The following SCFD2 variants were observed in gnomAD, a reference collection of about 807,000 sequenced individuals.
SCFD2 encodes sec1 family domain-containing protein 2.
SCFD2 carries 54 observed loss-of-function variants against 58.9 expected under a neutral mutation model. The ratio of observed to expected loss-of-function variants is 0.92; its 90% confidence interval spans 0.74 to 1.15. The LOEUF is 1.15. Among genes scored for constraint, SCFD2 ranks in the 50% most tolerant of loss-of-function variants. SCFD2 has a pLI of 0.00. For synonymous variants in SCFD2, 321 were observed against 335.9 expected, an observed-to-expected ratio of 0.96 and a Z score of 0.49; for missense variants, 805 against 836.6, an observed-to-expected ratio of 0.96 and a Z score of 0.47.
chr4:53,114,928 C>G (rs1725278224), intron 5 of SCFD2, among the ~76,000 whole-genome samples: 1 of 151,852 alleles, frequency 6.6e-6, no homozygotes, highest in Non-Finnish European at 1.5e-5. Context: ...GTAAATAGAC[C>G]ATGTTAAGTA....
chr4:53,083,759 C>T (rs116637313), intron 5 of SCFD2, among the ~76,000 whole-genome samples: 1,738 of 152,196 alleles, frequency 0.011, 18 homozygotes, highest in Middle Eastern at 0.034. Flanking sequence ...CTGTGATGCT[C>T]GCCTGAATCT....
intron 5 of SCFD2, among the ~76,000 whole-genome samples, chr4:53,066,082 C>T (rs1307396283): frequency 6.6e-6 from 1 of 152,076 alleles, no homozygotes; most frequent in Non-Finnish European, 1.5e-5. Flanking sequence ...AGACTTAATA[C>T]TACAATTTCA....
Position 53,078,075 on chromosome 4 carries a change from C to T in SCFD2, c.1561+67258G>A, listed in dbSNP as rs1256051416. ...TTTCGAAATCCTCTGGCATGATCAA[C>T]AGGAACTAGTTATTGGTTAAATTAC... On this transcript the variant is annotated intron_variant, in intron 5 of 8. Coordinates refer to ENST00000401642, the MANE Select transcript of SCFD2 (RefSeq NM_152540.4). Among the ~76,000 whole-genome samples the T allele has an allele frequency of 3.9e-5, 6 of 152,252 alleles. No individual in the cohort carries two copies. In the South Asian group the frequency reaches 1.2e-3, roughly 32 times the overall value.
chr4:53,007,008 C>T (rs563342726), intron 5 of SCFD2, among the ~76,000 whole-genome samples: 140 of 152,024 alleles, frequency 9.2e-4, no homozygotes, highest in African/African-American at 2.9e-3. Context: ...GGGCTGGGCA[C>T]GGTGGCTCAC....
At chr4:53,034,394 T>C (rs565837202) in intron 5 of SCFD2, among the ~76,000 whole-genome samples, 2 of 152,244 alleles carry the variant, frequency 1.3e-5, no homozygotes, top group East Asian at 1.9e-4. Flanking sequence ...ACTGGAAGCA[T>C]TCCCTTTGAA....
chr4:52,967,830 C>T (rs403547), intron 5 of SCFD2, among the ~76,000 whole-genome samples: 4,186 of 152,232 alleles, frequency 0.027, 208 homozygotes, highest in African/African-American at 0.096. Context: ...GTGTCTCATG[C>T]CCTGCTCTGC....
intron 4 of SCFD2, among the ~76,000 whole-genome samples, chr4:53,247,760 C>T (rs921856013): frequency 7.1e-6 from 1 of 140,246 alleles, no homozygotes; most frequent in African/African-American, 2.7e-5. Context: ...ACTCGGGAGG[C>T]TGAGGCAGGA....
chr4:53,097,734 C>T (rs1724700529), intron 5 of SCFD2, among the ~76,000 whole-genome samples: 1 of 152,094 alleles, frequency 6.6e-6, no homozygotes, highest in Non-Finnish European at 1.5e-5. Flanking sequence ...TTGCCCTGGC[C>T]AGAACTTCCA....
chr4:53,092,882 A>G (rs1287844311), intron 5 of SCFD2, among the ~76,000 whole-genome samples: 1 of 152,152 alleles, frequency 6.6e-6, no homozygotes, highest in East Asian at 1.9e-4. Flanking sequence ...CTAAAAAAAC[A>G]AAACAGAGGG....
intron 5 of SCFD2, among the ~76,000 whole-genome samples, chr4:53,096,434 A>G (rs1222898486): frequency 6.6e-6 from 1 of 152,124 alleles, no homozygotes; most frequent in Non-Finnish European, 1.5e-5. Flanking sequence ...ATGGTATCTC[A>G]TTGTGGTTTT....
At chr4:53,113,295 C>A (rs1369757442) in intron 5 of SCFD2, among the ~76,000 whole-genome samples, 1 of 152,082 alleles carries the variant, frequency 6.6e-6, no homozygotes, top group Admixed American at 6.6e-5. Context: ...ATAACCCTTA[C>A]TTTGGCCAAT....
intron 5 of SCFD2, among the ~76,000 whole-genome samples, chr4:53,050,820 G>A (rs1378555189): frequency 6.6e-6 from 1 of 152,120 alleles, no homozygotes; most frequent in Non-Finnish European, 1.5e-5. Context: ...CTTCAGCCAT[G>A]CTGCCTGCAT....
intron 5 of SCFD2, among the ~76,000 whole-genome samples, chr4:53,047,238 A>C (rs752620278): frequency 1.6e-4 from 25 of 152,162 alleles, no homozygotes; most frequent in Non-Finnish European, 3.1e-4. Flanking sequence ...GCTTGAAGCC[A>C]GGAGTTCAAA....
chr4:53,145,776 T>A (rs963634596), intron 4 of SCFD2, among the ~76,000 whole-genome samples, 194 bp from the exon 5 acceptor site: 2 of 152,166 alleles, frequency 1.3e-5, no homozygotes, highest in African/African-American at 4.8e-5. Flanking sequence ...GTTTTGAAAG[T>A]CCTAATTTAT....
intron 4 of SCFD2, among the ~76,000 whole-genome samples, chr4:53,149,627 T>A (rs1237036335): frequency 1.3e-5 from 2 of 152,220 alleles, no homozygotes; most frequent in Non-Finnish European, 2.9e-5. Context: ...AAAAGTAGAA[T>A]ATTTTTAGAA....
intron 5 of SCFD2, among the ~76,000 whole-genome samples, chr4:52,924,757 T>C (rs1719822481): frequency 6.6e-6 from 1 of 152,122 alleles, no homozygotes; most frequent in African/African-American, 2.4e-5. Context: ...TATGGATCAG[T>C]CAGGATAAAT....
intron 4 of SCFD2, among the ~76,000 whole-genome samples, chr4:53,256,209 A>G (rs7664488): frequency 0.11 from 15,764 of 144,172 alleles, 946 homozygotes; most frequent in East Asian, 0.21. Flanking sequence ...CTTCTCAGAC[A>G]GGGCAGTTGC....
Position 53,228,749 on chromosome 4 carries a change from T to C in SCFD2, c.1311+45077A>G, listed in dbSNP as rs538568866. ...CCTCTCTCACCACTCCTATTCAACATAGTGTTGGAAGTTCTGGTCAGGGCA... is the reference window on the plus strand; with the variant it reads ...CCTCTCTCACCACTCCTATTCAACACAGTGTTGGAAGTTCTGGTCAGGGCA... On this transcript the variant is annotated intron_variant, in intron 4 of 8. Transcript: ENST00000401642. Among the ~76,000 whole-genome samples the C allele has an allele frequency of 1.5e-3, 235 of 152,196 alleles. 1 individual carries two copies. Among genetic ancestry groups the C allele is most frequent in the Middle Eastern group, 6.8e-3 (2 of 294 alleles).
chr4:53,055,740 A>G (rs1160177919), intron 5 of SCFD2, among the ~76,000 whole-genome samples: 1 of 152,168 alleles, frequency 6.6e-6, no homozygotes, highest in Non-Finnish European at 1.5e-5. Context: ...CAAACATTAG[A>G]GTAAACGCCC....
Sources: gnomAD v4.1 joint callset for allele counts (sites outside exome capture counted in the v4.1 genomes callset) on GRCh38, gnomAD v4.1.1 for gene constraint, MANE v1.5 for transcripts, NCBI Gene and HGNC (gene_info 2026-07-23, HGNC 2026-07-21) for gene names.